Variants in CNDP1 observed in about 807,000 individuals in gnomAD.
CNDP1 encodes carnosine dipeptidase 1.
In CNDP1, 44 loss-of-function variants were observed where a neutral mutation model predicts 58.1. The ratio of observed to expected loss-of-function variants is 0.76; its 90% CI spans 0.60 to 0.97. The LOEUF (loss-of-function observed/expected upper bound fraction) is 0.97, where lower values mean the gene tolerates loss of function less well. CNDP1 is among the 50% of genes least tolerant of loss of function. The pLI is 0.00. For missense variants in CNDP1, 616 were observed against 655.1 expected (o/e 0.94, Z 0.65); for synonymous variants, 254 against 252.6 (o/e 1.01, Z -0.05).
intron 10 of CNDP1, among the ~76,000 whole-genome samples, chr18:74,582,656 G>A (rs150123363): frequency 3.3e-4 from 51 of 152,294 alleles, no homozygotes; most frequent in Middle Eastern, 3.4e-3. Flanking sequence ...ACTACCGACT[G>A]ATAAGCTTCA....
chr18:74,564,952 T>C (rs907038543), intron 5 of CNDP1, among the ~76,000 whole-genome samples: 2 of 152,210 alleles, frequency 1.3e-5, no homozygotes, highest in African/African-American at 2.4e-5. Flanking sequence ...ATGCTGCTGA[T>C]AAAGGCATAC....
chr18:74,559,467 C>T lies in CNDP1; in HGVS notation c.298C>T (p.Gln100Ter), dbSNP rs748425331. Reference protein sequence around the residue: ...ARVASVDMGPQQLPDGQSLPI... With the variant: ...ARVASVDMGP ...TGTGGCCTCGGTGGACATGGGTCCT[C>T]AGCAGGTGCTGTACGATTCCCTCCC... Residue 100 changes from glutamine to a stop codon, truncating the protein, a stop_gained, in exon 3 of 12, where the codon CAG (glutamine) becomes TAG (stop). Transcript: ENST00000358821. LOFTEE classifies it high-confidence loss of function. The T allele has an allele frequency of 8.1e-6, 13 of 1,607,366 alleles. No homozygotes were observed. In the Admixed American group the frequency reaches 1.7e-4, roughly 21 times the overall value.
intron 2 of CNDP1, 22 bp downstream of exon 2, chr18:74,556,488 A>G: frequency 6.2e-7 from 1 of 1,613,102 alleles, no homozygotes; most frequent in Non-Finnish European, 8.5e-7. Flanking sequence ...AAACTACACA[A>G]CTACACACAG....
intron 6 of CNDP1, among the ~76,000 whole-genome samples, chr18:74,569,184 A>T (rs12327522): frequency 0.3 from 45,013 of 152,004 alleles, 7,012 homozygotes; most frequent in East Asian, 0.44. Flanking sequence ...ACTCCAGAGT[A>T]ATTTAGCTAG....
chr18:74,561,135 C>A, intron 4 of CNDP1, 117 bp downstream of exon 4: 1 of 1,291,370 alleles, frequency 7.7e-7, no homozygotes, highest in Non-Finnish European at 1.1e-6. Context: ...AATGCATAGG[C>A]CGGGTGCGGT....
At chr18:74,578,591 C>T (rs1398469002) in intron 9 of CNDP1, among the ~76,000 whole-genome samples, 2 of 152,108 alleles carry the variant, frequency 1.3e-5, no homozygotes, top group African/African-American at 4.8e-5. Flanking sequence ...AGCACCACTG[C>T]ACTCCAGCCT....
intron 1 of CNDP1, among the ~76,000 whole-genome samples, chr18:74,550,812 G>A (rs1174481292): frequency 6.6e-6 from 1 of 151,706 alleles, no homozygotes; most frequent in African/African-American, 2.4e-5. Flanking sequence ...ATGTTAGCCA[G>A]GATGGTCTCG....
chr18:74,547,779 CCT>C (rs1980800046), intron 1 of CNDP1, among the ~76,000 whole-genome samples: 1 of 152,200 alleles, frequency 6.6e-6, no homozygotes, highest in African/African-American at 2.4e-5. Context: ...TGCCCCAGGA[CCT>C]CTCGCTTCGG....
In CNDP1 at chr18:74,538,356, T is replaced by C. The variant is rs1186404745; in HGVS notation, c.24+3665T>C. Among the ~76,000 whole-genome samples, 6 of 152,394 alleles carry C rather than the reference T, an allele frequency of 3.9e-5. No individual in the cohort carries two copies. In the East Asian group the frequency reaches 1.2e-3, roughly 29 times the overall value. On this transcript the variant is annotated intron_variant, in intron 1 of 11. Transcript: ENST00000358821. ...CAAGGTCCATTCATGTCATAGCATA[T>C]ATCAGGACTGCATTCCTTTTCATGG... is the stretch of plus-strand genomic sequence containing the variant.
Position 74,563,257 on chromosome 18 carries a change from T to A in CNDP1, c.555+1122T>A, listed in dbSNP as rs7232853. 9.8e-4 allele frequency among the ~76,000 whole-genome samples: 149 copies of A among 152,066 alleles called. 2 individuals are homozygous for A. The East Asian group carries it at 0.027, about 28-fold the overall frequency. On this transcript the variant is annotated intron_variant, in intron 5 of 11. Transcript: ENST00000358821. ...AGCACAGGTCTCAGCGGGCTCCTGC[T>A]GACCACTGCAAAGGTGTCTTCTTAT...
chr18:74,536,744 A>G (rs189501592), intron 1 of CNDP1, among the ~76,000 whole-genome samples: 1 of 152,322 alleles, frequency 6.6e-6, no homozygotes, highest in African/African-American at 2.4e-5. Flanking sequence ...AATTGAACTA[A>G]TTTACACTCC....
intron 2 of CNDP1, among the ~76,000 whole-genome samples, chr18:74,558,643 C>T (rs772214348): frequency 1.3e-5 from 2 of 152,264 alleles, no homozygotes; most frequent in Admixed American, 6.5e-5. Flanking sequence ...ATCTGCCCAC[C>T]TGTGCCTCCC....
chr18:74,551,720 T>C (rs1302573850), intron 1 of CNDP1, among the ~76,000 whole-genome samples: 3 of 152,202 alleles, frequency 2.0e-5, no homozygotes, highest in African/African-American at 7.2e-5. Flanking sequence ...TCCTGCTGAA[T>C]CTGAACTATT....
intron 6 of CNDP1, among the ~76,000 whole-genome samples, chr18:74,568,415 A>G (rs1981385291): frequency 6.6e-6 from 1 of 152,222 alleles, no homozygotes; most frequent in Non-Finnish European, 1.5e-5. Context: ...CAGAGAAAAT[A>G]GGAAGCAGGG....
chr18:74,537,317 T>G (rs1281147472), intron 1 of CNDP1, among the ~76,000 whole-genome samples: 2 of 152,208 alleles, frequency 1.3e-5, no homozygotes, highest in African/African-American at 4.8e-5. Flanking sequence ...TTGTATATGA[T>G]GTAAGGAAGG....
rs1454524362 is a variant in CNDP1 at position 74,567,336 on chromosome 18, G to C, written c.659G>C (p.Gly220Ala). 6.2e-7 allele frequency: 1 copy of C among 1,614,114 alleles called. No homozygotes were observed. The highest frequency in any genetic ancestry group is 8.5e-7 in the Non-Finnish European group (1 of 1,179,974). The change falls in exon 6 of 12, where the codon GGT becomes GCT. Residue 220 changes from glycine (G) to alanine (A), a missense_variant. By Grantham distance (60) the Gly-to-Ala change is moderately conservative. Coordinates refer to ENST00000358821, the MANE Select transcript of CNDP1 (RefSeq NM_032649.6). ...AAAGAAAAGGACCGATTCTTCTCTG[G>C]TGTGGACTACATTGTAATTTCAGAT... Reference protein sequence around the residue: ...VEKEKDRFFSGVDYIVISDNL... With the variant: ...VEKEKDRFFSAVDYIVISDNL...
intron 5 of CNDP1, among the ~76,000 whole-genome samples, chr18:74,562,766 A>G: frequency 6.6e-6 from 1 of 152,218 alleles, no homozygotes; most frequent in East Asian, 1.9e-4. Flanking sequence ...TGGTGGACCC[A>G]GGTTTGCACC....
intron 1 of CNDP1, among the ~76,000 whole-genome samples, chr18:74,547,736 C>A (rs1980798457): frequency 2.6e-5 from 4 of 152,180 alleles, no homozygotes; most frequent in Admixed American, 1.3e-4. Context: ...AAGAGGAGAA[C>A]AAGATGTCAA....
At chr18:74,573,120 C>A (rs1347327062) in intron 7 of CNDP1, among the ~76,000 whole-genome samples, 2 of 149,634 alleles carry the variant, frequency 1.3e-5, no homozygotes, top group Non-Finnish European at 1.5e-5. Flanking sequence ...TTCTATTCAT[C>A]CATCCAACTA....
Sources: allele counts gnomAD v4.1 joint callset (sites outside exome capture counted in the v4.1 genomes callset), GRCh38; gene constraint gnomAD v4.1.1; transcripts MANE v1.5; gene names NCBI Gene and HGNC (gene_info 2026-07-23, HGNC 2026-07-21).